Variants in PSMA1 observed in about 807,000 individuals in gnomAD.
PSMA1 encodes the protein proteasome 20S subunit alpha 1.
PSMA1 carries 3 observed loss-of-function variants against 38.4 expected under a neutral mutation model. The observed-to-expected ratio is 0.08, with a 90% confidence interval of 0.04 to 0.20. The LOEUF (loss-of-function observed/expected upper bound fraction) is 0.20, where lower values mean the gene tolerates loss of function less well. PSMA1 is among the 10% of genes least tolerant of loss of function. The pLI is 1.00. For missense variants in PSMA1, 227 were observed against 325.3 expected (o/e 0.70, Z 2.32); for synonymous variants, 101 against 107.1 (o/e 0.94, Z 0.35).
At chr11:14,599,430 T>C (rs1030775290) in intron 2 of PSMA1, among the ~76,000 whole-genome samples, 1 of 152,150 alleles carries the variant, frequency 6.6e-6, no homozygotes, top group Non-Finnish European at 1.5e-5. Context: ...GGAGGCTTTG[T>C]TCATTTCTTT....
intron 2 of PSMA1, among the ~76,000 whole-genome samples, chr11:14,550,980 T>A (rs1291160058): frequency 6.6e-6 from 1 of 152,182 alleles, no homozygotes; most frequent in Non-Finnish European, 1.5e-5. Flanking sequence ...CTAACTAGGT[T>A]ATTGATATAT....
chr11:14,637,996 A>G (rs950609584), intron 1 of PSMA1, among the ~76,000 whole-genome samples: 2 of 152,202 alleles, frequency 1.3e-5, no homozygotes, highest in African/African-American at 4.8e-5. Flanking sequence ...AGAAAAATAA[A>G]CTAATTTACA....
intron 2 of PSMA1, among the ~76,000 whole-genome samples, chr11:14,530,068 G>T (rs536906100): frequency 5.3e-5 from 8 of 152,282 alleles, no homozygotes; most frequent in Non-Finnish European, 1.2e-4. Flanking sequence ...CTTAATAAGT[G>T]CTACATTAAG....
At chr11:14,508,901 C>T (rs1447422475) in intron 8 of PSMA1, among the ~76,000 whole-genome samples, 1 of 136,816 alleles carries the variant, frequency 7.3e-6, no homozygotes, top group Admixed American at 7.8e-5. Context: ...TCTTTGACCA[C>T]CTCTCTCAGT....
At chr11:14,524,029 C>CT (rs1340292372), upstream of PSMA1, among the ~76,000 whole-genome samples, 3 of 139,642 alleles carry the variant, frequency 2.1e-5, no homozygotes, top group Admixed American at 7.9e-5. Context: ...AATCCCGACA[C>CT]TTTTTTTTCT....
At chr11:14,579,970 GA>G (rs1463371329) in intron 2 of PSMA1, among the ~76,000 whole-genome samples, 2 of 152,146 alleles carry the variant, frequency 1.3e-5, no homozygotes, top group African/African-American at 4.8e-5. Context: ...GAAAGGGAGA[GA>G]AAAATCTGTC....
intron 2 of PSMA1, among the ~76,000 whole-genome samples, chr11:14,582,971 C>T (rs543368438): frequency 2.0e-5 from 3 of 152,274 alleles, no homozygotes; most frequent in Non-Finnish European, 2.9e-5. Flanking sequence ...TACTTTGTGG[C>T]GACGGCCAAA....
intron 1 of PSMA1, among the ~76,000 whole-genome samples, chr11:14,627,724 CATA>C (rs1426525852): frequency 6.6e-6 from 1 of 152,124 alleles, no homozygotes; most frequent in African/African-American, 2.4e-5. Context: ...GTAGTTGCTT[CATA>C]ATATTTTTAT....
intron 7 of PSMA1, among the ~76,000 whole-genome samples, chr11:14,512,809 AG>A (rs1267051587): frequency 6.6e-6 from 1 of 152,212 alleles, no homozygotes; most frequent in African/African-American, 2.4e-5. Flanking sequence ...CTCCAAATTT[AG>A]GGGTAACCTT....
intron 7 of PSMA1, among the ~76,000 whole-genome samples, chr11:14,511,639 A>G (rs1851344676): frequency 6.6e-6 from 1 of 152,222 alleles, no homozygotes; most frequent in African/African-American, 2.4e-5. Flanking sequence ...CAAACTAGTA[A>G]TTGAAAGGAA....
At chr11:14,614,053 T>C (rs1590011266) in intron 1 of PSMA1, among the ~76,000 whole-genome samples, 1 of 152,176 alleles carries the variant, frequency 6.6e-6, no homozygotes, top group Non-Finnish European at 1.5e-5. Flanking sequence ...TGAAGAACAA[T>C]TGCATGTCAC....
At chr11:14,625,253 A>G (rs1346065086) in intron 1 of PSMA1, among the ~76,000 whole-genome samples, 1 of 152,218 alleles carries the variant, frequency 6.6e-6, no homozygotes, top group Non-Finnish European at 1.5e-5. Context: ...GTTTGAGACC[A>G]GTCTGGCCAA....
chr11:14,514,189 A>G (rs1851390201), intron 5 of PSMA1: 4 of 1,343,102 alleles, frequency 3.0e-6, no homozygotes, highest in South Asian at 4.4e-5. Flanking sequence ...ATCCCCTCTA[A>G]AAAGATGCTT....
At chr11:14,619,240 G>A (rs950866786) in intron 1 of PSMA1, among the ~76,000 whole-genome samples, 1 of 152,164 alleles carries the variant, frequency 6.6e-6, no homozygotes, top group Non-Finnish European at 1.5e-5. Context: ...CTTGAGCTCA[G>A]GAGTTCAAGA....
chr11:14,519,990 C>A, intron 1 of PSMA1: 2 of 483,946 alleles, frequency 4.1e-6, no homozygotes, highest in East Asian at 3.3e-5. Context: ...GCACTAGGAG[C>A]TATTCTGGAC....
intron 2 of PSMA1, among the ~76,000 whole-genome samples, chr11:14,566,004 G>A (rs1296459357): frequency 6.6e-6 from 1 of 152,132 alleles, no homozygotes; most frequent in Non-Finnish European, 1.5e-5. Flanking sequence ...AGACAGATAG[G>A]GCAGCTGGAA....
chr11:14,596,012 A>G (rs1852487551), intron 2 of PSMA1, among the ~76,000 whole-genome samples: 1 of 152,114 alleles, frequency 6.6e-6, no homozygotes, highest in Admixed American at 6.5e-5. Context: ...TCCTTTCCCT[A>G]TTGCTTGTTT....
At chr11:14,552,099 T>C (rs1851891703) in intron 2 of PSMA1, among the ~76,000 whole-genome samples, 1 of 152,150 alleles carries the variant, frequency 6.6e-6, no homozygotes, top group Non-Finnish European at 1.5e-5. Context: ...GAAATGATCT[T>C]AGAGAGGAAA....
chr11:14,620,494 GT>G (rs1852831522), intron 1 of PSMA1, among the ~76,000 whole-genome samples: 1 of 152,192 alleles, frequency 6.6e-6, no homozygotes, highest in African/African-American at 2.4e-5. Flanking sequence ...ATTATCCCTG[GT>G]TTAGCCTTTG....
Sources: gnomAD v4.1 joint callset for allele counts (sites outside exome capture counted in the v4.1 genomes callset) on GRCh38, gnomAD v4.1.1 for gene constraint, MANE v1.5 for transcripts, NCBI Gene and HGNC (gene_info 2026-07-23, HGNC 2026-07-21) for gene names.